GSR: variants seen among roughly 807,000 people sequenced by gnomAD.
GSR encodes glutathione reductase, mitochondrial.
Under a neutral mutation model 56.5 loss-of-function variants are expected in GSR, and 48 were observed. That is an observed-to-expected ratio of 0.85 (90% confidence interval 0.67 to 1.08). The LOEUF is 1.08. GSR is among the 50% of genes least tolerant of loss of function. The pLI, the probability that GSR is intolerant of heterozygous loss-of-function variation, is 0.00. For synonymous variants in GSR, 264 were observed against 270.8 expected (o/e 0.97, Z 0.25); for missense variants, 694 against 703.3 (o/e 0.99, Z 0.15).
chr8:30,705,158 G>T (rs1282144699), intron 4 of GSR, among the ~76,000 whole-genome samples: 6 of 151,644 alleles, frequency 4.0e-5, no homozygotes, highest in Non-Finnish European at 7.4e-5. Context: ...AGATGCAGTG[G>T]TTTATGCCTA....
At chr8:30,725,012 C>T (rs1210067189) in intron 1 of GSR, among the ~76,000 whole-genome samples, 1 of 152,228 alleles carries the variant, frequency 6.6e-6, no homozygotes, top group Non-Finnish European at 1.5e-5. Flanking sequence ...CCAAGCTGAA[C>T]TTTCCTTCTG....
chr8:30,689,957 A>G (rs1319063090), intron 8 of GSR, among the ~76,000 whole-genome samples: 1 of 140,322 alleles, frequency 7.1e-6, no homozygotes, highest in Admixed American at 7.6e-5. Context: ...ATATATGTAT[A>G]TTTTTATTTA....
intron 4 of GSR, among the ~76,000 whole-genome samples, chr8:30,703,868 G>A (rs1803832753): frequency 6.6e-6 from 1 of 151,534 alleles, no homozygotes; most frequent in South Asian, 2.1e-4. Context: ...AAAGAAGAAA[G>A]AAGGAAGAAG....
At chr8:30,717,768 A>C (rs996993382) in intron 1 of GSR, among the ~76,000 whole-genome samples, 47 of 152,114 alleles carry the variant, frequency 3.1e-4, no homozygotes, top group Admixed American at 2.7e-3. Context: ...ATTTCATTAT[A>C]TATTACAACA....
intron 12 of GSR, among the ~76,000 whole-genome samples, chr8:30,680,293 T>A (rs764668649): frequency 7.3e-5 from 11 of 150,962 alleles, no homozygotes; most frequent in Non-Finnish European, 1.5e-4. Context: ...ACTCTCAAAC[T>A]CCTGAGCTCA....
At chr8:30,703,292 C>T (rs1563537109) in intron 4 of GSR, 52 bp from the exon 5 acceptor site, 5 of 1,471,224 alleles carry the variant, frequency 3.4e-6, no homozygotes, top group Admixed American at 1.7e-5. Context: ...AACAAAGACA[C>T]CTACTGCAAC....
At chr8:30,691,428 C>T (rs1803373663) in intron 8 of GSR, among the ~76,000 whole-genome samples, 1 of 152,088 alleles carries the variant, frequency 6.6e-6, no homozygotes, top group South Asian at 2.1e-4. Flanking sequence ...CTCCTGTAAT[C>T]CCAGCACCCT....
chr8:30,687,806 T>TA (rs1482467181), intron 9 of GSR, among the ~76,000 whole-genome samples: 1 of 152,202 alleles, frequency 6.6e-6, no homozygotes, highest in Non-Finnish European at 1.5e-5. Flanking sequence ...ATTGTGTTCA[T>TA]AATGTAAGCT....
In GSR at chr8:30,684,044, G is replaced by A. The variant is rs115381472; in HGVS notation, c.1153+44C>T. ...GACAGTGAAGAGCCAGATGGATCAT[G>A]TAACACGCAGACCCTCCCTCACCAA... is the stretch of plus-strand genomic sequence containing the variant. On this transcript the variant is annotated intron_variant, in intron 10 of 12. Coordinates refer to ENST00000221130, the MANE Select transcript of GSR (RefSeq NM_000637.5). The A allele has an allele frequency of 4.0e-4, 387 of 978,524 alleles. No individual in the cohort carries two copies. In the African/African-American group the frequency reaches 5.7e-3, roughly 14 times the overall value. 60.6% of individuals were successfully genotyped at this position (978,524 alleles called of 1,614,324 possible).
chr8:30,722,939 G>A (rs1021671946), intron 1 of GSR, among the ~76,000 whole-genome samples: 1 of 152,072 alleles, frequency 6.6e-6, no homozygotes, highest in South Asian at 2.1e-4. Context: ...CTCTCCCCTA[G>A]GCCTCTCCAA....
In GSR at chr8:30,689,259, C is replaced by A. The variant is rs201798705; in HGVS notation, c.943G>T (p.Gly315Cys). 1 of 1,613,606 alleles carries A rather than the reference C, an allele frequency of 6.2e-7. No individual in the cohort carries two copies. Among genetic ancestry groups the A allele is most frequent in the Non-Finnish European group, 8.5e-7 (1 of 1,179,658 alleles). The change falls in exon 9 of 13, where the codon GGT (glycine) becomes TGT (cysteine). Residue 315 changes from glycine (G) to cysteine (C), a missense_variant. Coordinates refer to ENST00000221130, the MANE Select transcript of GSR (RefSeq NM_000637.5). The stretch of plus-strand genomic sequence containing the variant: ...ATCATGGTCATGACTGGTAGCCTAC[C>A]GGGAACTGCAGTAACCATGCTGACT... ...LEVSMVTAVP[G>C]RLPVMTMIPD...
At chr8:30,696,618 T>G (rs1803553034) in intron 6 of GSR, 139 bp from the exon 7 acceptor site, 2 of 692,954 alleles carry the variant, frequency 2.9e-6, no homozygotes, top group Non-Finnish European at 5.3e-6. Context: ...GTTAATATTT[T>G]ACTTAATTAG....
Position 30,689,102 on chromosome 8 carries a change from T to C in GSR, c.1041+59A>G, listed in dbSNP as rs1803269578. 3.0e-5 allele frequency: 46 copies of C among 1,532,092 alleles called. 1 individual carries two copies. In the South Asian group the frequency reaches 5.1e-4, roughly 17 times the overall value. 94.9% of individuals were successfully genotyped at this position (1,532,092 alleles called of 1,614,324 possible). On this transcript the variant is annotated intron_variant, in intron 9 of 12. Coordinates refer to ENST00000221130, the MANE Select transcript of GSR (RefSeq NM_000637.5). ...AAGTTTTGGGTGTCTGGGGGGAAAA[T>C]AAAACCATAAGACTCCTAGTAGATT...
intron 7 of GSR, 98 bp from the exon 8 acceptor site, chr8:30,693,153 C>T (rs1803444200): frequency 2.6e-6 from 2 of 757,834 alleles, no homozygotes; most frequent in East Asian, 5.1e-5. Flanking sequence ...TATCTCTCCC[C>T]TAATTATTTC....
chr8:30,690,113 T>C (rs1446890068), intron 8 of GSR, among the ~76,000 whole-genome samples: 1 of 144,104 alleles, frequency 6.9e-6, no homozygotes, highest in Non-Finnish European at 1.5e-5. Flanking sequence ...TATACATATA[T>C]AAATCTATTT....
chr8:30,699,473 T>C (rs1268198775), intron 6 of GSR, among the ~76,000 whole-genome samples: 2 of 151,736 alleles, frequency 1.3e-5, no homozygotes, highest in African/African-American at 4.8e-5. Context: ...CGGGGCGTGG[T>C]GGCACTCTCT....
chr8:30,722,092 A>G (rs542262432), intron 1 of GSR, among the ~76,000 whole-genome samples: 86 of 152,290 alleles, frequency 5.6e-4, no homozygotes, highest in African/African-American at 2.0e-3. Flanking sequence ...AAGGATTCAG[A>G]GGCAGTCTAT....
intron 6 of GSR, among the ~76,000 whole-genome samples, chr8:30,699,303 T>A (rs376782928): frequency 2.0e-5 from 3 of 150,572 alleles, no homozygotes; most frequent in East Asian, 3.9e-4. Flanking sequence ...AAAAAAAAAA[T>A]GTTTGTTCAT....
intron 10 of GSR, among the ~76,000 whole-genome samples, chr8:30,683,215 G>C (rs1287825234): frequency 6.6e-6 from 1 of 152,134 alleles, no homozygotes; most frequent in East Asian, 1.9e-4. Flanking sequence ...CCCAACTTCA[G>C]CCTCTGAAAG....
Sources: allele counts gnomAD v4.1 joint callset (sites outside exome capture counted in the v4.1 genomes callset), GRCh38; gene constraint gnomAD v4.1.1; transcripts MANE v1.5; gene names NCBI Gene and HGNC (gene_info 2026-07-23, HGNC 2026-07-21).